The following PDE6C variants were observed in gnomAD, a reference collection of about 807,000 sequenced individuals.
PDE6C encodes phosphodiesterase 6C.
In PDE6C, 75 loss-of-function variants were observed where a neutral mutation model predicts 113.1. The observed-to-expected ratio is 0.66, with a 90% CI of 0.55 to 0.80. PDE6C has a LOEUF of 0.80. Among genes scored for constraint, PDE6C ranks in the 30% least tolerant of loss-of-function variants. The pLI is 0.00. For synonymous variants in PDE6C, 375 were observed against 363.7 expected, an observed-to-expected ratio of 1.03 and a Z score of -0.35; for missense variants, 912 against 1,038.6, an observed-to-expected ratio of 0.88 and a Z score of 1.67.
In PDE6C at chr10:93,665,475, A is replaced by C; in HGVS notation, c.*57A>C. 1 of 1,141,526 alleles carries C rather than the reference A, an allele frequency of 8.8e-7. No homozygotes were observed. Among genetic ancestry groups the C allele is most frequent in the Non-Finnish European group, 1.3e-6 (1 of 750,642 alleles). 70.7% of individuals were successfully genotyped at this position (1,141,526 alleles called of 1,614,324 possible). A position where few individuals can be genotyped will look rare whatever the true frequency, so the allele number is the denominator to read the frequency against. On this transcript the variant is annotated 3_prime_UTR_variant, in exon 22 of 22. Coordinates refer to ENST00000371447, the MANE Select transcript of PDE6C (RefSeq NM_006204.4). ...ATTTTACCTTTGAAGAAAACCAGAAAACATTCAAAAGAACTTCAACAAATC... is the reference window on the plus strand; with the variant it reads ...ATTTTACCTTTGAAGAAAACCAGAACACATTCAAAAGAACTTCAACAAATC...
chr10:93,665,515 T>A lies in PDE6C; in HGVS notation c.*97T>A. 4.7e-6 allele frequency: 4 copies of A among 857,098 alleles called. No homozygotes were observed. The South Asian group carries it at 5.5e-5, about 12-fold the overall frequency. 53.1% of individuals were successfully genotyped at this position (857,098 alleles called of 1,614,324 possible). ...TTCAACAAATCATCACGTAACAGGA[T>A]CTTCAGAAAAACTACCCTGTGACTA... On this transcript the variant is annotated 3_prime_UTR_variant, in exon 22 of 22. Transcript: ENST00000371447.
chr10:93,652,075 T>C (rs1014116660), intron 15 of PDE6C, among the ~76,000 whole-genome samples: 2 of 152,030 alleles, frequency 1.3e-5, no homozygotes, highest in Admixed American at 6.6e-5. Flanking sequence ...CAAAGAGGAT[T>C]TGATGGAGCT....
intron 5 of PDE6C, 105 bp downstream of exon 5, chr10:93,625,754 A>G: frequency 2.6e-6 from 2 of 760,546 alleles, no homozygotes; most frequent in Non-Finnish European, 2.3e-6. Flanking sequence ...CTGGAGTAGT[A>G]GAAACAGCAC....
chr10:93,647,676 CTGT>C (rs2058591183), intron 15 of PDE6C, among the ~76,000 whole-genome samples: 1 of 152,154 alleles, frequency 6.6e-6, no homozygotes, highest in East Asian at 1.9e-4. Context: ...GGCAGACAGG[CTGT>C]TAAGGCACAG....
intron 3 of PDE6C, 49 bp from the exon 4 acceptor site, chr10:93,621,883 C>T (rs1173328715): frequency 1.3e-6 from 2 of 1,546,040 alleles, no homozygotes; most frequent in South Asian, 2.2e-5. Flanking sequence ...CTCTATCTCT[C>T]CATAGCATAC....
intron 8 of PDE6C, among the ~76,000 whole-genome samples, chr10:93,630,168 TCTC>T (rs1048825432): frequency 2.0e-5 from 3 of 152,014 alleles, no homozygotes; most frequent in African/African-American, 7.3e-5. Context: ...TATCCTTCCT[TCTC>T]CACTGTGCAG....
chr10:93,625,571 C>T lies in PDE6C; in HGVS notation c.865-4C>T, dbSNP rs772853811. 1.4e-4 allele frequency: 218 copies of T among 1,606,942 alleles called. No individual in the cohort carries two copies. The highest frequency in any genetic ancestry group is 3.0e-4 in the Admixed American group (18 of 59,978). ...TAATGATACTTAAATCTGATTGCCT[C>T]CAGGAATTCTACGATGAATGGCCAA... On this transcript the variant is annotated splice_region_variant and splice_polypyrimidine_tract_variant and intron_variant, in intron 4 of 21. Transcript: ENST00000371447.
intron 8 of PDE6C, among the ~76,000 whole-genome samples, chr10:93,631,185 G>A (rs1163455183): frequency 6.6e-6 from 1 of 152,248 alleles, no homozygotes; most frequent in Non-Finnish European, 1.5e-5. Flanking sequence ...AGTCCCCAGT[G>A]TGGGATAAAC....
At chr10:93,655,634 GAAAACAAAAAA>G (rs551582032) in intron 15 of PDE6C, 115 bp from the exon 16 acceptor site, 94 of 527,990 alleles carry the variant, frequency 1.8e-4, no homozygotes, top group Middle Eastern at 5.6e-4. Context: ...AAAAAGGAAG[GAAAACAAAAAA>G]AAAACAAACA....
rs776144214 is a variant in PDE6C, at chr10:93,640,934, G to A, written c.1752G>A (p.Lys584=). ...TATTTTTTTAGACAGGAAGATTAAAGAAGTACTACACAGATCTCGAAGCCT... is the reference window on the plus strand; with the variant it reads ...TATTTTTTTAGACAGGAAGATTAAAAAAGTACTACACAGATCTCGAAGCCT... ...MFTLLMTGRL[K]KYYTDLEAFA... The change falls in exon 14 of 22, where the codon AAG becomes AAA. Residue 584 remains lysine, a synonymous_variant. Transcript: ENST00000371447. 6.2e-7 allele frequency: 1 copy of A among 1,605,776 alleles called. No individual in the cohort carries two copies. Among genetic ancestry groups the A allele is most frequent in the South Asian group, 1.1e-5 (1 of 90,892 alleles).
At chr10:93,636,894 C>T in intron 10 of PDE6C, 101 bp from the exon 11 acceptor site, 1 of 739,668 alleles carries the variant, frequency 1.4e-6, no homozygotes, top group Admixed American at 2.0e-5. Context: ...CTTCCTCCCA[C>T]ATATTTTAAA....
At chr10:93,664,549 G>A (rs751801781) in intron 21 of PDE6C, among the ~76,000 whole-genome samples, 3 of 152,158 alleles carry the variant, frequency 2.0e-5, no homozygotes, top group Non-Finnish European at 4.4e-5. Context: ...AAAACAATAA[G>A]TGATTTTTAC....
At chr10:93,623,751 G>A (rs1251979392) in intron 4 of PDE6C, among the ~76,000 whole-genome samples, 1 of 152,172 alleles carries the variant, frequency 6.6e-6, no homozygotes, top group Non-Finnish European at 1.5e-5. Context: ...CTTTGTCCAA[G>A]TTAACTATAT....
intron 4 of PDE6C, among the ~76,000 whole-genome samples, chr10:93,623,540 C>A (rs904320240): frequency 4.6e-5 from 7 of 152,130 alleles, no homozygotes; most frequent in Non-Finnish European, 8.8e-5. Context: ...CTCATCAAAC[C>A]CAAGTTCACC....
chr10:93,635,153 G>A (rs921409983), intron 9 of PDE6C, among the ~76,000 whole-genome samples: 8 of 152,158 alleles, frequency 5.3e-5, no homozygotes, highest in African/African-American at 1.7e-4. Flanking sequence ...AAACAGGAAA[G>A]AGGATTTTCT....
At chr10:93,623,733 C>G (rs2058459514) in intron 4 of PDE6C, among the ~76,000 whole-genome samples, 1 of 152,124 alleles carries the variant, frequency 6.6e-6, no homozygotes, top group South Asian at 2.1e-4. Flanking sequence ...TGTTCATTGC[C>G]TTTGCGCCTT....
At chr10:93,635,947 T>C (rs1300658597) in intron 10 of PDE6C, among the ~76,000 whole-genome samples, 2 of 152,220 alleles carry the variant, frequency 1.3e-5, no homozygotes, top group Non-Finnish European at 2.9e-5. Flanking sequence ...TGTCATATAA[T>C]GCTGCATAAC....
At position 93,654,810 on chromosome 10, in the gene PDE6C, C is replaced by CTTTTTTT. The variant is rs57025205; in HGVS notation, c.1936-941_1936-935dup. ...TCTTTCTTTCTTTCTTTCTTTCTTT[C>CTTTTTTT]TTTTTTTTTTTTTTTGAAACAGGGT... is the stretch of plus-strand genomic sequence containing the variant. On this transcript the variant is annotated intron_variant, in intron 15 of 21. Coordinates refer to ENST00000371447, the MANE Select transcript of PDE6C (RefSeq NM_006204.4). 2.1e-4 allele frequency among the ~76,000 whole-genome samples: 16 copies of CTTTTTTT among 77,102 alleles called. No homozygotes were observed. The East Asian group carries it at 3.6e-3, about 17-fold the overall frequency. 50.6% of individuals were successfully genotyped at this position (77,102 alleles called of 152,430 possible).
chr10:93,629,668 A>T (rs2058490631), intron 8 of PDE6C, among the ~76,000 whole-genome samples: 2 of 152,160 alleles, frequency 1.3e-5, no homozygotes, highest in African/African-American at 4.8e-5. Flanking sequence ...CTTCCACCTC[A>T]GATCATCAGG....
Sources: allele counts gnomAD v4.1 joint callset (sites outside exome capture counted in the v4.1 genomes callset), GRCh38; gene constraint gnomAD v4.1.1; transcripts MANE v1.5; gene names NCBI Gene and HGNC (gene_info 2026-07-23, HGNC 2026-07-21).